Variants in SLC25A17 observed in about 807,000 individuals in gnomAD.
The protein encoded by SLC25A17 is solute carrier family 25 member 17, also known as peroxisomal membrane protein PMP34.
A neutral mutation model predicts 38.5 loss-of-function variants in SLC25A17; 26 were observed. The observed-to-expected ratio is 0.68, with a 90% CI of 0.50 to 0.94. The LOEUF (loss-of-function observed/expected upper bound fraction) is 0.94, where lower values mean the gene tolerates loss of function less well. SLC25A17 is among the 40% of genes least tolerant of loss of function. The pLI is 0.00. For missense variants in SLC25A17, 333 were observed against 372.7 expected, an observed-to-expected ratio of 0.89 and a Z score of 0.88; for synonymous variants, 139 against 136.2, an observed-to-expected ratio of 1.02 and a Z score of -0.14.
At chr22:40,800,806 A>AT (rs1319762563) in intron 1 of SLC25A17, among the ~76,000 whole-genome samples, 29 of 150,186 alleles carry the variant, frequency 1.9e-4, no homozygotes, top group Non-Finnish European at 2.5e-4. Context: ...AAAAAAAAAA[A>AT]TTTTGAATAA....
intron 1 of SLC25A17, among the ~76,000 whole-genome samples, chr22:40,814,377 C>G (rs552452808): frequency 6.6e-6 from 1 of 152,298 alleles, no homozygotes; most frequent in East Asian, 1.9e-4. Flanking sequence ...TCTCCCCGGA[C>G]TGGTTAGGTA....
intron 4 of SLC25A17, among the ~76,000 whole-genome samples, chr22:40,784,784 CAAAA>C (rs71200616): frequency 4.2e-5 from 4 of 96,368 alleles, no homozygotes; most frequent in African/African-American, 8.3e-5. Context: ...TCAACAACAA[CAAAA>C]AAAAAAAAAA....
intron 1 of SLC25A17, among the ~76,000 whole-genome samples, chr22:40,810,909 A>G (rs1306589702): frequency 1.3e-5 from 2 of 152,112 alleles, no homozygotes; most frequent in Non-Finnish European, 2.9e-5. Flanking sequence ...CAGCTCTCTT[A>G]TACCACATTC....
At chr22:40,779,984 G>A (rs1170652628) in intron 4 of SLC25A17, 1 of 152,300 alleles carries the variant, frequency 6.6e-6, no homozygotes, top group Non-Finnish European at 1.5e-5. Flanking sequence ...TAAATAAATA[G>A]TGGAACAAAT....
In SLC25A17 at chr22:40,777,387, C is replaced by T. The variant is rs777722498; in HGVS notation, c.452-14G>A. On this transcript the variant is annotated splice_polypyrimidine_tract_variant and intron_variant, in intron 5 of 8. Coordinates refer to ENST00000435456, the MANE Select transcript of SLC25A17 (RefSeq NM_006358.4). ...GATGAAAAGCATCTAAGCAAGAAAT[C>T]AGGGACTTTTGAAAAGCATGATCAC... The T allele has an allele frequency of 2.5e-6, 4 of 1,604,756 alleles. No individual in the cohort carries two copies. The highest frequency in any genetic ancestry group is 2.2e-5 in the South Asian group (2 of 90,246).
chr22:40,773,954 A>C lies in SLC25A17; in HGVS notation c.759T>G (p.Leu253=). 6.2e-7 allele frequency: 1 copy of C among 1,610,388 alleles called. No homozygotes were observed. The highest frequency in any genetic ancestry group is 8.5e-7 in the Non-Finnish European group (1 of 1,176,540). The change falls in exon 8 of 9, where the codon CTT becomes CTG. Residue 253 remains leucine (L), a synonymous_variant. Coordinates refer to ENST00000435456, the MANE Select transcript of SLC25A17 (RefSeq NM_006358.4). The part of the protein sequence containing the change: ...TLGSLRNILY[L]LHQRVRRFGI... Reference sequence around the variant, plus strand: ...AAGCTCACCTTACTCGTTGGTGAAGAAGATAGAGAATATTCCGAAGACTTC... The same window carrying C: ...AAGCTCACCTTACTCGTTGGTGAAGCAGATAGAGAATATTCCGAAGACTTC...
chr22:40,812,430 T>C (rs961657382), intron 1 of SLC25A17, among the ~76,000 whole-genome samples: 1 of 152,138 alleles, frequency 6.6e-6, no homozygotes, highest in South Asian at 2.1e-4. Flanking sequence ...CTTATGGGAA[T>C]AATAGATAAG....
At chr22:40,804,540 T>A (rs534672364) in intron 1 of SLC25A17, among the ~76,000 whole-genome samples, 9 of 152,332 alleles carry the variant, frequency 5.9e-5, no homozygotes, top group South Asian at 2.1e-4. Context: ...TTCATTTTTT[T>A]AATTATTTAC....
At chr22:40,784,579 C>T in intron 4 of SLC25A17, 2 of 263,044 alleles carry the variant, frequency 7.6e-6, no homozygotes, top group Non-Finnish European at 1.6e-5. Flanking sequence ...TTGAAACCAG[C>T]CTGGGCAACA....
chr22:40,779,339 C>G, intron 4 of SLC25A17: 1 of 1,318,054 alleles, frequency 7.6e-7, no homozygotes, highest in Non-Finnish European at 1.0e-6. Flanking sequence ...TGGCTGGCGG[C>G]AGCAGCTCTC....
chr22:40,791,103 G>A (rs1445001398), intron 4 of SLC25A17, among the ~76,000 whole-genome samples: 3 of 152,160 alleles, frequency 2.0e-5, no homozygotes, highest in Non-Finnish European at 4.4e-5. Flanking sequence ...TAGTCCAGGT[G>A]AGCAATGATA....
chr22:40,791,953 T>A (rs1258322821), intron 4 of SLC25A17, among the ~76,000 whole-genome samples: 1 of 152,176 alleles, frequency 6.6e-6, no homozygotes, highest in Non-Finnish European at 1.5e-5. Flanking sequence ...ATAGCACTAT[T>A]CACAACAGCC....
At chr22:40,801,580 G>T (rs979403897) in intron 1 of SLC25A17, among the ~76,000 whole-genome samples, 12 of 152,076 alleles carry the variant, frequency 7.9e-5, no homozygotes, top group African/African-American at 2.9e-4. Context: ...AATGTTTCAA[G>T]AAATGACACT....
chr22:40,804,988 G>A (rs529694505), intron 1 of SLC25A17, among the ~76,000 whole-genome samples: 1 of 141,284 alleles, frequency 7.1e-6, no homozygotes, highest in Non-Finnish European at 1.5e-5. Context: ...GAGAAGGAAG[G>A]AAAGAAAGAA....
intron 1 of SLC25A17, among the ~76,000 whole-genome samples, chr22:40,812,399 G>A (rs138319): frequency 0.65 from 99,467 of 152,042 alleles, 32,984 homozygotes; most frequent in Admixed American, 0.74. Flanking sequence ...GTCAAGACTT[G>A]GTCCCCCCAG....
intron 1 of SLC25A17, among the ~76,000 whole-genome samples, chr22:40,800,771 C>T (rs986892980): frequency 8.1e-6 from 1 of 124,214 alleles, no homozygotes; most frequent in Non-Finnish European, 1.7e-5. Flanking sequence ...GCCTGGGTGA[C>T]AAAGCGAGAG....
At chr22:40,811,586 C>T (rs891038817) in intron 1 of SLC25A17, among the ~76,000 whole-genome samples, 1 of 152,024 alleles carries the variant, frequency 6.6e-6, no homozygotes, top group Non-Finnish European at 1.5e-5. Context: ...TGAGCCAGCA[C>T]AGTGCTGGCA....
chr22:40,797,836 C>T (rs764522457), intron 2 of SLC25A17, among the ~76,000 whole-genome samples: 8 of 152,196 alleles, frequency 5.3e-5, no homozygotes, highest in Non-Finnish European at 7.3e-5. Flanking sequence ...CCCGGCCAGC[C>T]CTTCCTCCGC....
chr22:40,802,231 C>A (rs1424227286), intron 1 of SLC25A17, among the ~76,000 whole-genome samples: 1 of 152,158 alleles, frequency 6.6e-6, no homozygotes, highest in Non-Finnish European at 1.5e-5. Flanking sequence ...CGTGAAGGTT[C>A]CTAAACATAG....
Sources: gnomAD v4.1 joint callset for allele counts (sites outside exome capture counted in the v4.1 genomes callset) on GRCh38, gnomAD v4.1.1 for gene constraint, MANE v1.5 for transcripts, NCBI Gene and HGNC (gene_info 2026-07-23, HGNC 2026-07-21) for gene names.